CIMAP1D: variants seen among roughly 807,000 people sequenced by gnomAD.
CIMAP1D encodes CIMAP1 family member D, also known as protein CIMAP1D.
At chr19:486,045 C>T in the CIMAP1D span, among the ~76,000 whole-genome samples, 2 of 152,354 alleles carry the variant, frequency 1.3e-5, no homozygotes, top group Non-Finnish European at 2.9e-5. Context: ...CTGCCAGCTC[C>T]CCTCCATCCT....
chr19:480,665 T>TTGAGAA, the CIMAP1D span, among the ~76,000 whole-genome samples: 9 of 135,046 alleles, frequency 6.7e-5, no homozygotes, highest in South Asian at 4.7e-4. Context: ...AGAAGGATGA[T>TTGAGAA]GGAGAAGGAT....
the CIMAP1D span, among the ~76,000 whole-genome samples, chr19:479,757 C>T: frequency 3.8e-4 from 57 of 151,832 alleles, no homozygotes; most frequent in African/African-American, 1.1e-3. Flanking sequence ...AGGCTGGTCT[C>T]GATCTCCTGA....
the CIMAP1D span, among the ~76,000 whole-genome samples, chr19:483,347 G>C: frequency 0.26 from 39,097 of 148,166 alleles, 5,062 homozygotes; most frequent in East Asian, 0.29. Flanking sequence ...CAGCTCTTCA[G>C]ACATGACCAT....
chr19:477,833 C>T, the CIMAP1D span, among the ~76,000 whole-genome samples: 1 of 152,166 alleles, frequency 6.6e-6, no homozygotes, highest in Non-Finnish European at 1.5e-5. Flanking sequence ...GCACGCAGGC[C>T]CTGCACGGCC....
the CIMAP1D span, among the ~76,000 whole-genome samples, chr19:481,759 A>G: frequency 6.9e-6 from 1 of 145,228 alleles, no homozygotes; most frequent in Non-Finnish European, 1.5e-5. Flanking sequence ...AAACAGACTG[A>G]GAACCTCCTA....
chr19:464,973 T>C, the CIMAP1D span, among the ~76,000 whole-genome samples: 2 of 90,036 alleles, frequency 2.2e-5, no homozygotes, highest in Admixed American at 1.7e-4. Context: ...GATTCATAGA[T>C]GAGTGGGTAG....
At chr19:481,145 GA>G in the CIMAP1D span, among the ~76,000 whole-genome samples, 835 of 53,548 alleles carry the variant, frequency 0.016, 3 homozygotes, top group Admixed American at 0.023. Context: ...GGGGAAGGAT[GA>G]TGGGAAGGAT....
the CIMAP1D span, among the ~76,000 whole-genome samples, chr19:474,338 C>T: frequency 3.3e-5 from 5 of 152,228 alleles, no homozygotes; most frequent in African/African-American, 1.2e-4. Flanking sequence ...CCGCGTCTCC[C>T]GCATGATCGC....
chr19:491,289 C>T, the CIMAP1D span, among the ~76,000 whole-genome samples: 5 of 152,118 alleles, frequency 3.3e-5, no homozygotes, highest in African/African-American at 1.2e-4. Flanking sequence ...AAAAAGAAGG[C>T]TTTTAAAGAA....
the CIMAP1D span, among the ~76,000 whole-genome samples, chr19:479,478 C>A: frequency 6.7e-6 from 1 of 149,766 alleles, no homozygotes; most frequent in Non-Finnish European, 1.5e-5. Context: ...CATCTCAGCT[C>A]ACTGCAACCT....
chr19:471,514 C>T, the CIMAP1D span, among the ~76,000 whole-genome samples: 19 of 152,012 alleles, frequency 1.2e-4, no homozygotes, highest in Admixed American at 2.6e-4. Flanking sequence ...GCAATCATAG[C>T]TCACTGCAGC....
the CIMAP1D span, chr19:489,874 C>G: frequency 2.6e-6 from 1 of 384,934 alleles, no homozygotes; most frequent in African/African-American, 2.1e-5. Flanking sequence ...AGGCGAGAAC[C>G]CTCCCAGCCA....
the CIMAP1D span, among the ~76,000 whole-genome samples, chr19:484,236 G>A: frequency 6.6e-6 from 1 of 150,968 alleles, no homozygotes; most frequent in Non-Finnish European, 1.5e-5. Flanking sequence ...TGCCTCCCGG[G>A]CTCAAGCGAT....
the CIMAP1D span, among the ~76,000 whole-genome samples, chr19:485,812 G>T: frequency 6.6e-6 from 1 of 152,230 alleles, no homozygotes; most frequent in African/African-American, 2.4e-5. Context: ...GAGAGGGGGA[G>T]GCCAGGTGTT....
the CIMAP1D span, among the ~76,000 whole-genome samples, chr19:472,165 G>T: frequency 6.6e-6 from 1 of 152,160 alleles, no homozygotes; most frequent in African/African-American, 2.4e-5. Context: ...TCCTTACTGC[G>T]CTCTTTCTCC....
At chr19:479,914 T>G in the CIMAP1D span, among the ~76,000 whole-genome samples, 1 of 152,264 alleles carries the variant, frequency 6.6e-6, no homozygotes, top group African/African-American at 2.4e-5. Flanking sequence ...AGTTTTTATT[T>G]CTATTTAAAA....
At chr19:488,437 G>A in the CIMAP1D span, among the ~76,000 whole-genome samples, 1 of 152,202 alleles carries the variant, frequency 6.6e-6, no homozygotes, top group African/African-American at 2.4e-5. Flanking sequence ...CAGGAGAATG[G>A]CGTGAACCCG....
At chr19:480,665 T>C in the CIMAP1D span, among the ~76,000 whole-genome samples, 383 of 135,074 alleles carry the variant, frequency 2.8e-3, 1 homozygote, top group African/African-American at 0.011. Context: ...AGAAGGATGA[T>C]GGAGAAGGAT....
the CIMAP1D span, among the ~76,000 whole-genome samples, chr19:477,943 G>A: frequency 2.0e-5 from 3 of 152,134 alleles, no homozygotes; most frequent in Non-Finnish European, 4.4e-5. Context: ...CCCCTAAGAC[G>A]GTCTCCACCT....
Sources: gnomAD v4.1 joint callset for allele counts (sites outside exome capture counted in the v4.1 genomes callset) on GRCh38, gnomAD v4.1.1 for gene constraint, MANE v1.5 for transcripts, NCBI Gene and HGNC (gene_info 2026-07-23, HGNC 2026-07-21) for gene names.